Variants in KDM2B observed in about 807,000 individuals in gnomAD.
KDM2B encodes lysine demethylase 2B, also known as lysine-specific demethylase 2B.
Under a neutral mutation model 150.0 loss-of-function variants are expected in KDM2B, and 26 were observed. The observed-to-expected ratio is 0.17, with a 90% confidence interval of 0.13 to 0.24. The LOEUF (loss-of-function observed/expected upper bound fraction) is 0.24. Ranked by LOEUF, KDM2B falls within the 10% of genes least tolerant of loss-of-function variation. The pLI is 1.00. For missense variants in KDM2B, 1,265 were observed against 1,816.9 expected, an observed-to-expected ratio of 0.70 and a Z score of 5.52; for synonymous variants, 734 against 729.5, an observed-to-expected ratio of 1.01 and a Z score of -0.10.
chr12:121,416,940 A>G, the KDM2B span, among the ~76,000 whole-genome samples: 3 of 152,222 alleles, frequency 2.0e-5, no homozygotes, highest in Non-Finnish European at 1.5e-5. Flanking sequence ...TGCAGGAACA[A>G]TGCAGCGAGC....
chr12:121,553,204 C>G (rs1287319554), intron 4 of KDM2B, among the ~76,000 whole-genome samples: 25 of 151,540 alleles, frequency 1.6e-4, no homozygotes, highest in Non-Finnish European at 1.3e-4. Context: ...GCACTACAGC[C>G]TGGGCGACAG....
At chr12:121,579,032 C>T (rs2136696144) in intron 1 of KDM2B, 86 bp from the exon 2 acceptor site, 2 of 1,447,984 alleles carry the variant, frequency 1.4e-6, no homozygotes, top group East Asian at 4.8e-5. Flanking sequence ...CTAACAGGTG[C>T]AGCAGCCGAG....
intron 12 of KDM2B, among the ~76,000 whole-genome samples, chr12:121,463,972 C>G (rs1244425892): frequency 6.6e-6 from 1 of 151,678 alleles, no homozygotes; most frequent in Non-Finnish European, 1.5e-5. Flanking sequence ...TGCCTGTAAT[C>G]CCAACACTTT....
Position 121,493,309 on chromosome 12 carries a change from T to C in KDM2B, c.1734+1270A>G, listed in dbSNP as rs76539116. ...GTCACAAATAATATTTAGAGTGCACTAACCTCAGGTCAGCCCTTGTCTGAA... is the reference window on the plus strand; with the variant it reads ...GTCACAAATAATATTTAGAGTGCACCAACCTCAGGTCAGCCCTTGTCTGAA... On this transcript the variant is annotated intron_variant, in intron 12 of 22. Coordinates refer to ENST00000377071, the MANE Select transcript of KDM2B (RefSeq NM_032590.5). 7.2e-3 allele frequency among the ~76,000 whole-genome samples: 1,088 copies of C among 152,116 alleles called. 17 individuals carry two copies. Among genetic ancestry groups the C allele is most frequent in the African/African-American group, 0.025 (1,026 of 41,520 alleles).
intron 4 of KDM2B, among the ~76,000 whole-genome samples, chr12:121,565,537 G>A (rs924630753): frequency 5.3e-5 from 8 of 152,070 alleles, no homozygotes; most frequent in Admixed American, 2.0e-4. Flanking sequence ...GGCTGGTCTC[G>A]AACTCCCAAC....
chr12:121,449,470 G>A (rs1267245124), intron 13 of KDM2B, among the ~76,000 whole-genome samples: 5 of 152,150 alleles, frequency 3.3e-5, no homozygotes, highest in Non-Finnish European at 5.9e-5. Flanking sequence ...TCAAGCTGAA[G>A]AGAGTAGGAG....
intron 4 of KDM2B, among the ~76,000 whole-genome samples, chr12:121,560,182 T>C (rs1890238199): frequency 6.6e-6 from 1 of 151,940 alleles, no homozygotes; most frequent in Non-Finnish European, 1.5e-5. Context: ...TATTTTCTTT[T>C]GTAGAGACAG....
At chr12:121,492,295 A>G (rs1296478368) in intron 12 of KDM2B, among the ~76,000 whole-genome samples, 2 of 152,170 alleles carry the variant, frequency 1.3e-5, no homozygotes, top group African/African-American at 2.4e-5. Flanking sequence ...TATCAAAAAT[A>G]TAGTCATTTC....
At chr12:121,579,967 T>TAAAAAA in intron 1 of KDM2B, 1 of 1,200,104 alleles carries the variant, frequency 8.3e-7, no homozygotes, top group Non-Finnish European at 1.1e-6. Flanking sequence ...AAAAGATCTA[T>TAAAAAA]CATATGCCAG....
chr12:121,457,739 TACACAC>T (rs138823282), intron 12 of KDM2B, among the ~76,000 whole-genome samples: 479 of 144,856 alleles, frequency 3.3e-3, no homozygotes, highest in African/African-American at 8.2e-3. Flanking sequence ...ATCGGAAACA[TACACAC>T]ACACACACAC....
At chr12:121,483,122 C>G (rs559773547) in intron 12 of KDM2B, among the ~76,000 whole-genome samples, 6 of 151,886 alleles carry the variant, frequency 4.0e-5, no homozygotes, top group Non-Finnish European at 7.4e-5. Flanking sequence ...AGGATTGCGC[C>G]ACTGCACTCC....
At chr12:121,421,386 A>AC in the KDM2B span, among the ~76,000 whole-genome samples, 1,023 of 136,562 alleles carry the variant, frequency 7.5e-3, 15 homozygotes, top group South Asian at 0.017. Context: ...AAAAAAAAAA[A>AC]AAAAAAAAAA....
chr12:121,426,620 ATT>A (rs34070273), downstream of KDM2B, among the ~76,000 whole-genome samples: 473 of 113,524 alleles, frequency 4.2e-3, 2 homozygotes, highest in African/African-American at 0.012. Context: ...ATTTTAAACA[ATT>A]TTTTTTTTTT....
At chr12:121,450,350 A>G (rs530160417) in intron 13 of KDM2B, among the ~76,000 whole-genome samples, 163 of 152,202 alleles carry the variant, frequency 1.1e-3, no homozygotes, top group African/African-American at 3.7e-3. Flanking sequence ...AAAAGAAAAA[A>G]GTAAATCAGT....
Position 121,464,519 on chromosome 12 carries a change from G to A in KDM2B, c.1735-11175C>T, listed in dbSNP as rs569121036. 2.6e-5 allele frequency among the ~76,000 whole-genome samples: 4 copies of A among 152,340 alleles called. No individual in the cohort carries two copies. In the East Asian group the frequency reaches 7.7e-4, roughly 29 times the overall value. ...GCTGAGGGAAGGCATGGGGCAGACA[G>A]GCCAGCGCAGCACGACAGGTCTCAG... On this transcript the variant is annotated intron_variant, in intron 12 of 22. Coordinates refer to ENST00000377071, the MANE Select transcript of KDM2B (RefSeq NM_032590.5).
rs782751799 is a variant in KDM2B, at chr12:121,452,173, A to G, written c.1959+947T>C. ...GGAGGGGAAAGGGGAGTAGAGCTTC[A>G]GTGGGTATGGAGTTTCAGTTTTGCA... On this transcript the variant is annotated intron_variant, in intron 13 of 22. Transcript: ENST00000377071. This position sits in a 1 kb window ranked among gnomAD's most constrained non-coding sequence, Gnocchi z 4.4. Among the ~76,000 whole-genome samples the G allele has an allele frequency of 1.3e-5, 2 of 152,206 alleles. No individual in the cohort carries two copies. The highest frequency in any genetic ancestry group is 2.9e-5 in the Non-Finnish European group (2 of 68,026).
At position 121,430,081 on chromosome 12, in the gene KDM2B, G is replaced by A. The variant is rs373149185; in HGVS notation, c.*207C>T. ...TAGAAATGGTCCAGAAAGCAGTGCA[G>A]TTACGATTCAGAAAGACCAAAGGAA... is the stretch of plus-strand genomic sequence containing the variant. On this transcript the variant is annotated 3_prime_UTR_variant, in exon 23 of 23. Transcript: ENST00000377071. This position sits in a 1 kb window ranked among gnomAD's most constrained non-coding sequence, Gnocchi z 4.4. 45 of 1,558,202 alleles carry A rather than the reference G, an allele frequency of 2.9e-5. No individual in the cohort carries two copies. The African/African-American group carries it at 5.7e-4, about 20-fold the overall frequency.
chr12:121,442,904 C>G lies in KDM2B; in HGVS notation c.2605-68G>C. 1 of 1,564,720 alleles carries G rather than the reference C, an allele frequency of 6.4e-7. No individual in the cohort carries two copies. Among genetic ancestry groups the G allele is most frequent in the Non-Finnish European group, 8.6e-7 (1 of 1,157,550 alleles). On this transcript the variant is annotated intron_variant, in intron 18 of 22. Coordinates refer to ENST00000377071, the MANE Select transcript of KDM2B (RefSeq NM_032590.5). The surrounding 1 kb of genome is among the most constrained non-coding windows in gnomAD (Gnocchi z 7.7). ...GCTGCGCCCGCCCAAGGCCTCCCGC[C>G]CCCCTGCCACGGGACTGTGGCCCAG...
At chr12:121,532,609 C>A (rs1287212665) in intron 8 of KDM2B, among the ~76,000 whole-genome samples, 197 bp downstream of exon 8, 1 of 152,226 alleles carries the variant, frequency 6.6e-6, no homozygotes, top group Non-Finnish European at 1.5e-5. Flanking sequence ...AGAATTCCAG[C>A]CCGTAGGTGG....
Sources: gnomAD v4.1 joint callset for allele counts (sites outside exome capture counted in the v4.1 genomes callset) on GRCh38, gnomAD v4.1.1 for gene constraint, Gnocchi (gnomAD v3.1) non-coding constraint, MANE v1.5 for transcripts, NCBI Gene and HGNC (gene_info 2026-07-23, HGNC 2026-07-21) for gene names.